The following NR2C1 variants were observed in gnomAD, a reference collection of about 807,000 sequenced individuals.
The protein encoded by NR2C1 is nuclear receptor subfamily 2 group C member 1.
A neutral mutation model predicts 74.8 loss-of-function variants in NR2C1; 33 were observed. That is an observed-to-expected ratio of 0.44 (90% CI 0.33 to 0.59). NR2C1 has a LOEUF of 0.59. NR2C1 is among the 20% of genes least tolerant of loss of function. The pLI, the probability that NR2C1 is intolerant of heterozygous loss-of-function variation, is 0.02. For missense variants in NR2C1, 568 were observed against 715.6 expected (o/e 0.79, Z 2.35); for synonymous variants, 225 against 240.6 (o/e 0.94, Z 0.60).
At position 95,022,342 on chromosome 12, in the gene NR2C1, C is replaced by A; in HGVS notation, c.1699G>T (p.Glu567Ter). 1 of 1,613,618 alleles carries A rather than the reference C, an allele frequency of 6.2e-7. No individual in the cohort carries two copies. The highest frequency in any genetic ancestry group is 1.1e-5 in the South Asian group (1 of 91,038). The change falls in exon 14 of 14, where the codon GAA becomes TAA. Residue 567 changes from glutamate to a stop codon, truncating the protein, a stop_gained. Coordinates refer to ENST00000333003, the MANE Select transcript of NR2C1 (RefSeq NM_003297.4). LOFTEE classifies it high-confidence loss of function. ...CCAATGAGACCTTTGAAAAACAATT[C>A]TTCAGTGATGGTAGCATTCATCAGT... ...LRLMNATITEELFFKGLIGNI... is the reference protein window; with the variant it reads ...LRLMNATITE
intron 9 of NR2C1, among the ~76,000 whole-genome samples, chr12:95,046,648 G>A (rs192463740): frequency 2.0e-5 from 3 of 152,300 alleles, no homozygotes; most frequent in Admixed American, 6.5e-5. Flanking sequence ...AAAGGAAACA[G>A]TGTATGTGAA....
At chr12:95,069,431 T>A (rs1263509697) in intron 1 of NR2C1, among the ~76,000 whole-genome samples, 1 of 152,232 alleles carries the variant, frequency 6.6e-6, no homozygotes, top group Non-Finnish European at 1.5e-5. Context: ...TTAGATTTGT[T>A]ACTTACATAA....
rs908283577 is a variant in NR2C1 at position 95,062,528 on chromosome 12, G to T, written c.265C>A (p.Leu89Met). The T allele has an allele frequency of 5.0e-6, 8 of 1,609,062 alleles. No individual in the cohort carries two copies. The Admixed American group carries it at 1.0e-4, about 20-fold the overall frequency. Residue 89 changes from leucine (L) to methionine (M), a missense_variant, in exon 3 of 14, where the codon CTG becomes ATG. This residue lies in a region of NR2C1 where 128 missense variants were observed against 118.9 expected (regional missense o/e 1.08). Transcript: ENST00000333003. The stretch of plus-strand genomic sequence containing the variant: ...TTTACCTGCAGGTGTTGTGCAGACA[G>T]ATCAGGAGTGGTAAAAAATAACTGG... ...VNQLFFTTPDLSAQHLQLLTD... is the reference protein window; with the variant it reads ...VNQLFFTTPDMSAQHLQLLTD...
chr12:95,043,388 AC>A (rs1871848871), intron 9 of NR2C1, among the ~76,000 whole-genome samples: 1 of 151,520 alleles, frequency 6.6e-6, no homozygotes, highest in African/African-American at 2.4e-5. Context: ...CAAAACAACA[AC>A]AAAAAAGTCC....
At chr12:95,048,710 C>T (rs1348009109) in intron 9 of NR2C1, among the ~76,000 whole-genome samples, 3 of 151,236 alleles carry the variant, frequency 2.0e-5, no homozygotes, top group African/African-American at 4.9e-5. Flanking sequence ...CCATAACCTC[C>T]GCCTCCCGAG....
intron 8 of NR2C1, among the ~76,000 whole-genome samples, chr12:95,051,091 A>G (rs1017312161): frequency 1.3e-5 from 2 of 152,208 alleles, no homozygotes; most frequent in African/African-American, 4.8e-5. Context: ...GCAGGTTTTC[A>G]GTGAAAACTT....
In NR2C1 at chr12:95,073,616, A is replaced by T. The variant is rs1202711481; in HGVS notation, c.-244T>A. The T allele has an allele frequency of 6.6e-6, 1 of 152,280 alleles. No homozygotes were observed. The highest frequency in any genetic ancestry group is 1.5e-5 in the Non-Finnish European group (1 of 68,094). 9.4% of individuals were successfully genotyped at this position (152,280 alleles called of 1,614,324 possible). A position where few individuals can be genotyped will look rare whatever the true frequency, so the allele number is the denominator to read the frequency against. On this transcript the variant is annotated 5_prime_UTR_variant, in exon 1 of 14. Transcript: ENST00000333003. Reference sequence around the variant, plus strand: ...ATCCCGCCAGCGCCTGCGCATTAGCAACGGGGAGAAGCGGCGAGAGGAGGT... The same window carrying T: ...ATCCCGCCAGCGCCTGCGCATTAGCTACGGGGAGAAGCGGCGAGAGGAGGT...
At chr12:95,072,073 A>G (rs2136215962) in intron 1 of NR2C1, among the ~76,000 whole-genome samples, 1 of 151,512 alleles carries the variant, frequency 6.6e-6, no homozygotes, top group African/African-American at 2.4e-5. Context: ...TGATAGAAAT[A>G]CACATCGCTT....
chr12:95,067,579 T>TA (rs1174683780), intron 1 of NR2C1, among the ~76,000 whole-genome samples, 188 bp from the exon 2 acceptor site: 5 of 152,018 alleles, frequency 3.3e-5, no homozygotes, highest in Non-Finnish European at 5.9e-5. Flanking sequence ...TTTTTTATTT[T>TA]TTTTTTTTTT....
chr12:95,049,037 C>T lies in NR2C1; in HGVS notation c.1131+31G>A, dbSNP rs569345243. ...GGTAGATCAAAATCAAGCAACACAA[C>T]ATACAAGTTAAAAAAAACATATAGA... On this transcript the variant is annotated intron_variant, in intron 9 of 13. Coordinates refer to ENST00000333003, the MANE Select transcript of NR2C1 (RefSeq NM_003297.4). 1.0e-5 allele frequency: 16 copies of T among 1,591,868 alleles called. No individual in the cohort carries two copies. In the South Asian group the frequency reaches 1.6e-4, roughly 16 times the overall value.
chr12:95,031,217 C>G, intron 11 of NR2C1, 132 bp downstream of exon 11: 1 of 734,220 alleles, frequency 1.4e-6, no homozygotes, highest in Non-Finnish European at 2.0e-6. Flanking sequence ...TAAAAATTAT[C>G]TAAAGTAAGA....
chr12:95,041,915 A>G (rs1160597710), intron 9 of NR2C1, among the ~76,000 whole-genome samples: 1 of 152,238 alleles, frequency 6.6e-6, no homozygotes, highest in Non-Finnish European at 1.5e-5. Context: ...TTCTATCACT[A>G]GAGAAAAGAA....
At chr12:95,052,457 T>C (rs1873159852) in intron 7 of NR2C1, among the ~76,000 whole-genome samples, 1 of 152,126 alleles carries the variant, frequency 6.6e-6, no homozygotes, top group Non-Finnish European at 1.5e-5. Context: ...CCCGGCCGTA[T>C]ATGTTACTTT....
At chr12:95,035,852 G>A (rs1176746146) in intron 10 of NR2C1, among the ~76,000 whole-genome samples, 1 of 152,204 alleles carries the variant, frequency 6.6e-6, no homozygotes, top group African/African-American at 2.4e-5. Context: ...CTACTTTGCA[G>A]CAGGCAATGG....
At chr12:95,035,529 G>A (rs1282277032) in intron 10 of NR2C1, among the ~76,000 whole-genome samples, 1 of 152,096 alleles carries the variant, frequency 6.6e-6, no homozygotes, top group East Asian at 1.9e-4. Context: ...GGCATTGCTG[G>A]AGAAGCTCAG....
chr12:95,052,297 A>G lies in NR2C1; in HGVS notation c.784-354T>C, dbSNP rs527828964. Among the ~76,000 whole-genome samples the G allele has an allele frequency of 7.2e-5, 11 of 152,144 alleles. No homozygotes were observed. In the East Asian group the frequency reaches 2.1e-3, roughly 29 times the overall value. On this transcript the variant is annotated intron_variant, in intron 7 of 13. Coordinates refer to ENST00000333003, the MANE Select transcript of NR2C1 (RefSeq NM_003297.4). ...CAGCCTCCCAAGTAGCTGGGATTACAGGCACATGCTACCATGCCCAACTAA... is the reference window on the plus strand; with the variant it reads ...CAGCCTCCCAAGTAGCTGGGATTACGGGCACATGCTACCATGCCCAACTAA...
intron 8 of NR2C1, chr12:95,049,572 T>G (rs1872715196): frequency 5.9e-6 from 1 of 168,530 alleles, no homozygotes; most frequent in African/African-American, 2.4e-5. Context: ...TACTCCAGCC[T>G]GGGTGACACA....
At chr12:95,028,325 G>A (rs546934415) in intron 12 of NR2C1, 62 bp downstream of exon 12, 6 of 1,382,822 alleles carry the variant, frequency 4.3e-6, no homozygotes, top group Non-Finnish European at 6.0e-6. Context: ...AACATATGAG[G>A]GCTTCTATTT....
Position 95,062,679 on chromosome 12 carries a change from A to G in NR2C1, c.114T>C (p.Asn38=). Residue 38 remains asparagine, a synonymous_variant, in exon 3 of 14, where the codon AAT becomes AAC. Transcript: ENST00000333003. The part of the protein sequence containing the change: ...KIQIVTALDH[N]TQGKQFILTN... ...TCAGAATGAACTGCTTGCCTTGGGTATTATGATCAAGTGCTGTCACAATCT... is the reference window on the plus strand; with the variant it reads ...TCAGAATGAACTGCTTGCCTTGGGTGTTATGATCAAGTGCTGTCACAATCT... 6.2e-7 allele frequency: 1 copy of G among 1,614,150 alleles called. No individual in the cohort carries two copies. The highest frequency in any genetic ancestry group is 8.5e-7 in the Non-Finnish European group (1 of 1,180,020).
Sources: gnomAD v4.1 joint callset for allele counts (sites outside exome capture counted in the v4.1 genomes callset) on GRCh38, gnomAD v4.1.1 for gene constraint, gnomAD v4.1.1 regional missense constraint, MANE v1.5 for transcripts, NCBI Gene and HGNC (gene_info 2026-07-23, HGNC 2026-07-21) for gene names.